Variants in PTPRG observed in about 807,000 individuals in gnomAD.
PTPRG encodes protein tyrosine phosphatase receptor type G.
In PTPRG, 102 loss-of-function variants were observed where a neutral mutation model predicts 165.3. The observed-to-expected ratio is 0.62, with a 90% confidence interval of 0.53 to 0.73. The LOEUF (loss-of-function observed/expected upper bound fraction) is 0.73, where lower values mean the gene tolerates loss of function less well. Ranked by LOEUF, PTPRG falls within the 30% of genes least tolerant of loss-of-function variation. The probability of loss-of-function intolerance (pLI) is 0.00; values close to 1 mark genes in which losing one functional copy is unlikely to be tolerated. For missense variants in PTPRG, 1,866 were observed against 1,861.4 expected, an observed-to-expected ratio of 1.00 and a Z score of -0.05; for synonymous variants, 675 against 669.5, an observed-to-expected ratio of 1.01 and a Z score of -0.13.
At chr3:61,709,396 C>T (rs371890890) in intron 1 of PTPRG, among the ~76,000 whole-genome samples, 2 of 152,120 alleles carry the variant, frequency 1.3e-5, no homozygotes, top group Admixed American at 6.5e-5. Flanking sequence ...TTTACTGCAA[C>T]GTCCACCTCC....
intron 5 of PTPRG, 119 bp downstream of exon 5, chr3:62,078,377 A>G (rs140671048): frequency 1.6e-6 from 1 of 638,436 alleles, no homozygotes; most frequent in East Asian, 3.0e-5. Flanking sequence ...TCCAAATGAA[A>G]GATATTTCAT....
At chr3:61,567,649 CAGTG>C (rs981977191) in intron 1 of PTPRG, among the ~76,000 whole-genome samples, 3 of 130,522 alleles carry the variant, frequency 2.3e-5, no homozygotes, top group Non-Finnish European at 3.1e-5. Context: ...TTGAGTGACA[CAGTG>C]AGACCCTGTC....
Position 62,254,345 on chromosome 3 carries a change from G to T in PTPRG, c.2468-779G>T, listed in dbSNP as rs1225829642. 6.6e-6 allele frequency among the ~76,000 whole-genome samples: 1 copy of T among 152,148 alleles called. No homozygotes were observed. The highest frequency in any genetic ancestry group is 1.5e-5 in the Non-Finnish European group (1 of 68,010). On this transcript the variant is annotated intron_variant, in intron 15 of 29. Coordinates refer to ENST00000474889, the MANE Select transcript of PTPRG (RefSeq NM_002841.4). The surrounding 1 kb of genome is among the most constrained non-coding windows in gnomAD (Gnocchi z 4.6). ...GAAGGAGGTTGGGGAGCTCCAGTTA[G>T]TTGGGTGTGGCTATTTTATAGCAGT...
At chr3:61,840,627 G>T (rs954949753) in intron 2 of PTPRG, among the ~76,000 whole-genome samples, 23 of 152,132 alleles carry the variant, frequency 1.5e-4, no homozygotes, top group Admixed American at 2.6e-4. Context: ...ATTGATGACT[G>T]GGCACTCTGT....
At chr3:62,089,379 G>T (rs1462965803) in intron 5 of PTPRG, among the ~76,000 whole-genome samples, 1 of 152,110 alleles carries the variant, frequency 6.6e-6, no homozygotes, top group African/African-American at 2.4e-5. Context: ...CTCTTTTTCT[G>T]TTAACATCTT....
At chr3:62,047,757 C>T (rs1036593748) in intron 4 of PTPRG, among the ~76,000 whole-genome samples, 1 of 152,152 alleles carries the variant, frequency 6.6e-6, no homozygotes, top group Non-Finnish European at 1.5e-5. Context: ...GATGGTAGGA[C>T]CCCTTCGTCC....
Position 61,919,363 on chromosome 3 carries a change from G to A in PTPRG, c.191-70262G>A, listed in dbSNP as rs74964409. The stretch of plus-strand genomic sequence containing the variant: ...TACATCTAGAGAATGATCACATGGT[G>A]AGTCTGTTTATTAGCCAACAAATAG... On this transcript the variant is annotated intron_variant, in intron 2 of 29. Transcript: ENST00000474889. 4.1e-3 allele frequency among the ~76,000 whole-genome samples: 624 copies of A among 152,308 alleles called. 4 individuals are homozygous for A. Among genetic ancestry groups the A allele is most frequent in the Non-Finnish European group, 7.3e-3 (497 of 68,020 alleles).
intron 4 of PTPRG, among the ~76,000 whole-genome samples, chr3:62,062,090 G>A (rs1329076013): frequency 1.3e-5 from 2 of 151,796 alleles, no homozygotes; most frequent in East Asian, 4.0e-4. Flanking sequence ...ACCTGAGGTT[G>A]GGAGTTCGAG....
chr3:61,803,891 C>T (rs949375623), intron 2 of PTPRG, among the ~76,000 whole-genome samples: 4 of 152,110 alleles, frequency 2.6e-5, no homozygotes, highest in African/African-American at 7.2e-5. Context: ...ACATAGTTGT[C>T]AGGTATGAAA....
chr3:62,030,158 A>G (rs1699717382), intron 4 of PTPRG, among the ~76,000 whole-genome samples: 1 of 151,688 alleles, frequency 6.6e-6, no homozygotes, highest in African/African-American at 2.4e-5. Flanking sequence ...TGTTTTACAT[A>G]TACACACAGT....
At chr3:62,056,895 A>C (rs150572114) in intron 4 of PTPRG, among the ~76,000 whole-genome samples, 1 of 152,194 alleles carries the variant, frequency 6.6e-6, no homozygotes, top group Non-Finnish European at 1.5e-5. Flanking sequence ...TTGAGGCTCT[A>C]TGTCATTCAT....
chr3:61,935,038 C>T (rs2107592452), intron 2 of PTPRG, among the ~76,000 whole-genome samples: 1 of 152,202 alleles, frequency 6.6e-6, no homozygotes, highest in African/African-American at 2.4e-5. Context: ...CTTTCCATTC[C>T]AGGGGTTTAC....
At chr3:61,967,795 C>T (rs1373570671) in intron 2 of PTPRG, among the ~76,000 whole-genome samples, 1 of 152,122 alleles carries the variant, frequency 6.6e-6, no homozygotes, top group Non-Finnish European at 1.5e-5. Context: ...AGTGGAATTT[C>T]TGGGTCAAAG....
At chr3:62,286,144 A>C (rs931601487) in intron 28 of PTPRG, among the ~76,000 whole-genome samples, 24 of 152,192 alleles carry the variant, frequency 1.6e-4, no homozygotes, top group Non-Finnish European at 2.9e-4. Context: ...CTGAGATCAA[A>C]GAGTCTAAAG....
At chr3:62,098,124 G>A (rs1702176540) in intron 5 of PTPRG, among the ~76,000 whole-genome samples, 1 of 151,942 alleles carries the variant, frequency 6.6e-6, no homozygotes, top group Admixed American at 6.6e-5. Context: ...CTCTTCTATA[G>A]GGCTTGACAA....
At chr3:61,901,880 G>T (rs1007123049) in intron 2 of PTPRG, among the ~76,000 whole-genome samples, 1 of 152,166 alleles carries the variant, frequency 6.6e-6, no homozygotes, top group Non-Finnish European at 1.5e-5. Context: ...AAAAGTAAAA[G>T]AAACCTCTTT....
In PTPRG at chr3:62,203,666, G is replaced by A; in HGVS notation, c.1871G>A (p.Ser624Asn). 6.4e-7 allele frequency: 1 copy of A among 1,564,378 alleles called. No individual in the cohort carries two copies. Reference protein sequence around the residue: ...AAEERNQTEPSPTPSSPNRTA... With the variant: ...AAEERNQTEPNPTPSSPNRTA... ...GAGGAGCGGAATCAGACGGAGCCCA[G>A]CCCCACACCCTCGTCTCCTAACAGG... Residue 624 changes from serine to asparagine, a missense_variant, in exon 12 of 30, where the codon AGC becomes AAC. Transcript: ENST00000474889. This position sits in a 1 kb window ranked among gnomAD's most constrained non-coding sequence, Gnocchi z 6.4.
At chr3:61,950,333 T>C (rs1463276455) in intron 2 of PTPRG, among the ~76,000 whole-genome samples, 2 of 152,170 alleles carry the variant, frequency 1.3e-5, no homozygotes, top group African/African-American at 4.8e-5. Flanking sequence ...TGCCTCCAAA[T>C]TGTCTTTTTC....
chr3:62,142,038 C>A (rs1464131623), intron 6 of PTPRG, among the ~76,000 whole-genome samples: 5 of 150,924 alleles, frequency 3.3e-5, no homozygotes, highest in African/African-American at 1.2e-4. Context: ...GAACATTTCA[C>A]CACGATGGGA....
Sources: allele counts gnomAD v4.1 joint callset (sites outside exome capture counted in the v4.1 genomes callset), GRCh38; gene constraint gnomAD v4.1.1; non-coding constraint Gnocchi (gnomAD v3.1); transcripts MANE v1.5; gene names NCBI Gene and HGNC (gene_info 2026-07-23, HGNC 2026-07-21).